Variants in RARB observed in about 807,000 individuals in gnomAD.
RARB encodes HBV-activated protein.
A neutral mutation model predicts 51.9 loss-of-function variants in RARB; 17 were observed. The observed-to-expected ratio is 0.33, with a 90% CI of 0.22 to 0.49. The LOEUF (loss-of-function observed/expected upper bound fraction) is 0.49, where lower values mean the gene tolerates loss of function less well. Ranked by LOEUF, RARB falls within the 20% of genes least tolerant of loss-of-function variation. RARB has a pLI of 0.99. For synonymous variants in RARB, 215 were observed against 195.4 expected (o/e 1.10, Z -0.84); for missense variants, 369 against 550.8 (o/e 0.67, Z 3.30).
chr3:25,066,877 C>T (rs1288983331), intron 3 of RARB, among the ~76,000 whole-genome samples: 1 of 152,164 alleles, frequency 6.6e-6, no homozygotes, highest in African/African-American at 2.4e-5. Context: ...TCTTGGCTCA[C>T]CGGTCTGGTC....
At chr3:25,225,042 A>C (rs913635234) in intron 5 of RARB, among the ~76,000 whole-genome samples, 2 of 152,152 alleles carry the variant, frequency 1.3e-5, no homozygotes, top group Non-Finnish European at 2.9e-5. Context: ...AAAACCATTA[A>C]AATAAAACTG....
At chr3:25,283,228 CT>C (rs1261094283) in intron 5 of RARB, among the ~76,000 whole-genome samples, 1 of 152,182 alleles carries the variant, frequency 6.6e-6, no homozygotes, top group Non-Finnish European at 1.5e-5. Flanking sequence ...GCTCTGTCCT[CT>C]CTTAGAATGA....
chr3:25,465,755 A>G (rs1045154304), intron 2 of RARB, among the ~76,000 whole-genome samples: 7 of 152,164 alleles, frequency 4.6e-5, no homozygotes, highest in African/African-American at 1.4e-4. Flanking sequence ...TGTGTAGGGG[A>G]CAAAGAGTAC....
intron 1 of RARB, among the ~76,000 whole-genome samples, chr3:24,846,830 G>A (rs541700130): frequency 6.6e-6 from 1 of 151,160 alleles, no homozygotes; most frequent in Non-Finnish European, 1.5e-5. Flanking sequence ...CTGTGTACCT[G>A]TGTGGCAATG....
intron 5 of RARB, among the ~76,000 whole-genome samples, chr3:25,203,874 T>C (rs959754900): frequency 6.6e-6 from 1 of 152,200 alleles, no homozygotes; most frequent in South Asian, 2.1e-4. Context: ...ATTTTTTCCT[T>C]CATTTCAATT....
chr3:24,966,988 A>G (rs538579479), intron 2 of RARB, among the ~76,000 whole-genome samples: 1 of 152,156 alleles, frequency 6.6e-6, no homozygotes, highest in Non-Finnish European at 1.5e-5. Context: ...CACAAACCAG[A>G]TGCCCATATT....
At chr3:24,872,836 C>G (rs1702973147) in intron 2 of RARB, among the ~76,000 whole-genome samples, 1 of 152,182 alleles carries the variant, frequency 6.6e-6, no homozygotes, top group African/African-American at 2.4e-5. Flanking sequence ...CTTCTCTACC[C>G]TATGTAATAT....
At chr3:25,384,815 A>G (rs1443540208) in intron 5 of RARB, among the ~76,000 whole-genome samples, 1 of 152,236 alleles carries the variant, frequency 6.6e-6, no homozygotes, top group East Asian at 1.9e-4. Flanking sequence ...AGGGTAGAAA[A>G]CCAGCTAGCC....
chr3:25,254,920 A>G (rs541710727), intron 5 of RARB, among the ~76,000 whole-genome samples: 48 of 152,176 alleles, frequency 3.2e-4, no homozygotes, highest in Non-Finnish European at 6.6e-4. Flanking sequence ...TTAGCAGCCA[A>G]CTGGTTTTTC....
intron 2 of RARB, among the ~76,000 whole-genome samples, chr3:24,899,269 G>A (rs1703545392): frequency 6.6e-6 from 1 of 152,134 alleles, no homozygotes; most frequent in Non-Finnish European, 1.5e-5. Context: ...CGTACATGAA[G>A]CTAGCCCTAC....
At chr3:25,443,654 G>A (rs1375277086) in intron 1 of RARB, among the ~76,000 whole-genome samples, 1 of 151,436 alleles carries the variant, frequency 6.6e-6, no homozygotes, top group Non-Finnish European at 1.5e-5. Flanking sequence ...CTAAAGGACC[G>A]GTTGCGGTGG....
intron 4 of RARB, among the ~76,000 whole-genome samples, chr3:25,572,533 T>C (rs1700750405): frequency 6.6e-6 from 1 of 152,102 alleles, no homozygotes; most frequent in South Asian, 2.1e-4. Flanking sequence ...ACAGTCTGAC[T>C]CCAGGGCAGC....
chr3:25,330,421 A>C (rs1265411947), intron 5 of RARB, among the ~76,000 whole-genome samples: 1 of 152,214 alleles, frequency 6.6e-6, no homozygotes, highest in Non-Finnish European at 1.5e-5. Context: ...ACTAAGCTTC[A>C]TAAGTGAAGG....
chr3:25,481,726 G>T (rs886873677), intron 2 of RARB, among the ~76,000 whole-genome samples: 1 of 152,010 alleles, frequency 6.6e-6, no homozygotes, highest in African/African-American at 2.4e-5. Flanking sequence ...CTTCTTTCCT[G>T]GTCTCACCTT....
At chr3:24,925,059 G>A (rs1054661007) in intron 2 of RARB, among the ~76,000 whole-genome samples, 7 of 152,124 alleles carry the variant, frequency 4.6e-5, no homozygotes, top group South Asian at 4.2e-4. Context: ...ACATGGTAAC[G>A]AAAGGCAAAT....
intron 2 of RARB, among the ~76,000 whole-genome samples, chr3:24,959,432 G>A (rs1696090538): frequency 6.6e-6 from 1 of 152,184 alleles, no homozygotes; most frequent in South Asian, 2.1e-4. Context: ...CTTCTCTCCG[G>A]TGTTCAGCTG....
intron 5 of RARB, among the ~76,000 whole-genome samples, chr3:25,225,436 C>T (rs1702035694): frequency 6.6e-6 from 1 of 152,116 alleles, no homozygotes; most frequent in African/African-American, 2.4e-5. Context: ...TAAATGCTTT[C>T]AAGGTGTGAT....
At chr3:25,545,348 T>C (rs61286411) in intron 3 of RARB, among the ~76,000 whole-genome samples, 27,997 of 152,066 alleles carry the variant, frequency 0.18, 2,818 homozygotes, top group African/African-American at 0.26. Flanking sequence ...CTGCTTTGTC[T>C]CCTTGCCTCT....
intron 5 of RARB, among the ~76,000 whole-genome samples, chr3:25,422,313 C>T (rs1178887832): frequency 1.3e-5 from 2 of 152,166 alleles, no homozygotes; most frequent in Non-Finnish European, 2.9e-5. Flanking sequence ...CTTCTAAGCA[C>T]TCTGTCAACT....
Sources: allele counts gnomAD v4.1 joint callset (sites outside exome capture counted in the v4.1 genomes callset), GRCh38; gene constraint gnomAD v4.1.1; transcripts MANE v1.5; gene names NCBI Gene and HGNC (gene_info 2026-07-23, HGNC 2026-07-21).